The following ARL8B variants were observed in gnomAD, a reference collection of about 807,000 sequenced individuals.
The protein encoded by ARL8B is ADP-ribosylation factor-like protein 8B.
Under a neutral mutation model 30.6 loss-of-function variants are expected in ARL8B, and 9 were observed. The ratio of observed to expected loss-of-function variants is 0.29; its 90% confidence interval spans 0.18 to 0.51. The LOEUF is 0.51. Among genes scored for constraint, ARL8B ranks in the 20% least tolerant of loss-of-function variants. The pLI is 0.97. For synonymous variants in ARL8B, 74 were observed against 76.0 expected, an observed-to-expected ratio of 0.97 and a Z score of 0.14; for missense variants, 130 against 227.2, an observed-to-expected ratio of 0.57 and a Z score of 2.75.
chr3:5,157,435 A>G (rs2054542896), intron 1 of ARL8B, among the ~76,000 whole-genome samples: 1 of 152,118 alleles, frequency 6.6e-6, no homozygotes, highest in South Asian at 2.1e-4. Flanking sequence ...CCTCAGTTGA[A>G]TCTGTCTCAG....
At chr3:5,157,188 A>G (rs1270336004) in intron 1 of ARL8B, among the ~76,000 whole-genome samples, 1 of 151,868 alleles carries the variant, frequency 6.6e-6, no homozygotes, top group Non-Finnish European at 1.5e-5. Context: ...TGTGCCACAC[A>G]GGGGTCAACC....
At chr3:5,137,057 A>G (rs185329810) in intron 1 of ARL8B, among the ~76,000 whole-genome samples, 1 of 152,210 alleles carries the variant, frequency 6.6e-6, no homozygotes, top group African/African-American at 2.4e-5. Flanking sequence ...AGAGTAAAAC[A>G]GTATAGGGTA....
intron 1 of ARL8B, among the ~76,000 whole-genome samples, chr3:5,160,270 A>G (rs1384325650): frequency 2.0e-5 from 3 of 152,186 alleles, no homozygotes; most frequent in African/African-American, 7.2e-5. Context: ...TGAATATTTG[A>G]GTGAAACTGC....
rs1366890148 is a variant in ARL8B at position 5,143,111 on chromosome 3, A to C, written c.123+20523A>C. On this transcript the variant is annotated intron_variant, in intron 1 of 6. Coordinates refer to ENST00000256496, the MANE Select transcript of ARL8B (RefSeq NM_018184.3). ...TTGTGAGAACTATCTCTGAGTTTCA[A>C]AATTCCCACAAGGTGAGACCTGGCA... 2.0e-5 allele frequency among the ~76,000 whole-genome samples: 3 copies of C among 152,194 alleles called. No individual in the cohort carries two copies. The East Asian group carries it at 5.8e-4, about 29-fold the overall frequency.
chr3:5,150,031 C>CA (rs2054465922), intron 1 of ARL8B, among the ~76,000 whole-genome samples: 1 of 152,170 alleles, frequency 6.6e-6, no homozygotes, highest in Non-Finnish European at 1.5e-5. Flanking sequence ...TGTTTTAGGA[C>CA]AGTGTGTCAG....
intron 1 of ARL8B, among the ~76,000 whole-genome samples, chr3:5,144,313 T>G (rs2054400941): frequency 6.6e-6 from 1 of 152,208 alleles, no homozygotes; most frequent in Non-Finnish European, 1.5e-5. Flanking sequence ...TCTGTGAAAT[T>G]TATTTGAATG....
At chr3:5,154,708 A>G (rs1025820147) in intron 1 of ARL8B, among the ~76,000 whole-genome samples, 1 of 151,880 alleles carries the variant, frequency 6.6e-6, no homozygotes, top group Non-Finnish European at 1.5e-5. Context: ...CACCCTAGCA[A>G]CCACTATTCT....
intron 1 of ARL8B, among the ~76,000 whole-genome samples, chr3:5,132,403 A>AT (rs1277532662): frequency 2.0e-5 from 3 of 151,860 alleles, no homozygotes; most frequent in South Asian, 2.1e-4. Context: ...TGCCCTGCTA[A>AT]TTTTTTTGTA....
chr3:5,149,839 T>C (rs989209381), intron 1 of ARL8B, among the ~76,000 whole-genome samples: 2 of 152,194 alleles, frequency 1.3e-5, no homozygotes, highest in Admixed American at 6.5e-5. Context: ...CCCTACCACA[T>C]TTGGTTGGAC....
chr3:5,164,195 A>C (rs2054605134), intron 1 of ARL8B, among the ~76,000 whole-genome samples: 1 of 152,204 alleles, frequency 6.6e-6, no homozygotes, highest in South Asian at 2.1e-4. Flanking sequence ...ATGCACTTCA[A>C]ACCTGTGTAG....
intron 1 of ARL8B, among the ~76,000 whole-genome samples, chr3:5,149,217 G>T (rs188421022): frequency 6.6e-6 from 1 of 152,372 alleles, no homozygotes; most frequent in African/African-American, 2.4e-5. Context: ...GGTTGCTGCA[G>T]TGTGTGCTTT....
intron 1 of ARL8B, among the ~76,000 whole-genome samples, chr3:5,127,710 A>G (rs1191294306): frequency 2.0e-5 from 3 of 151,954 alleles, no homozygotes; most frequent in Non-Finnish European, 4.4e-5. Flanking sequence ...CGTCTCTACT[A>G]AAAATACAAA....
chr3:5,169,643 T>C (rs2054653894), intron 1 of ARL8B, among the ~76,000 whole-genome samples: 1 of 152,002 alleles, frequency 6.6e-6, no homozygotes, highest in Admixed American at 6.6e-5. Flanking sequence ...ATTTCCCTAA[T>C]GATTAGTGAG....
intron 1 of ARL8B, among the ~76,000 whole-genome samples, chr3:5,140,474 CAATT>C (rs537309717): frequency 3.0e-4 from 46 of 152,042 alleles, no homozygotes; most frequent in African/African-American, 1.0e-3. Context: ...AACTGTGAGT[CAATT>C]AAACCTCTTT....
intron 1 of ARL8B, among the ~76,000 whole-genome samples, chr3:5,150,654 A>G (rs960780556): frequency 1.3e-5 from 2 of 151,842 alleles, no homozygotes; most frequent in Non-Finnish European, 2.9e-5. Context: ...GTGGTGGCAC[A>G]TGCCTGTAAT....
rs191687167 is a variant in ARL8B at position 5,146,978 on chromosome 3, A to G, written c.124-23525A>G. On this transcript the variant is annotated intron_variant, in intron 1 of 6. Coordinates refer to ENST00000256496, the MANE Select transcript of ARL8B (RefSeq NM_018184.3). ...TACTCAGAAGGAACCTCTGACCCCA[A>G]TAGTCTTCATTAATGGTCATGAGGG... is the stretch of plus-strand genomic sequence containing the variant. Among the ~76,000 whole-genome samples, 43 of 151,348 alleles carry G rather than the reference A, an allele frequency of 2.8e-4. No homozygotes were observed. The East Asian group carries it at 3.1e-3, about 11-fold the overall frequency.
chr3:5,157,946 AT>A (rs2054546761), intron 1 of ARL8B: 1 of 151,536 alleles, frequency 6.6e-6, no homozygotes, highest in Admixed American at 6.6e-5. Flanking sequence ...ATCTGCTACC[AT>A]TTACTTTTCA....
chr3:5,123,362 G>A (rs1181746519), intron 1 of ARL8B, among the ~76,000 whole-genome samples: 1 of 152,222 alleles, frequency 6.6e-6, no homozygotes, highest in East Asian at 1.9e-4. Context: ...AGCTTAGCAG[G>A]CCTAGGGAAT....
intron 1 of ARL8B, among the ~76,000 whole-genome samples, chr3:5,156,738 G>A (rs567497891): frequency 5.3e-5 from 8 of 152,160 alleles, no homozygotes; most frequent in African/African-American, 7.2e-5. Flanking sequence ...TCAGGCATGC[G>A]CCACCACACC....
Sources: gnomAD v4.1 joint callset for allele counts (sites outside exome capture counted in the v4.1 genomes callset) on GRCh38, gnomAD v4.1.1 for gene constraint, MANE v1.5 for transcripts, NCBI Gene and HGNC (gene_info 2026-07-23, HGNC 2026-07-21) for gene names.